PPAT: variants seen among roughly 807,000 people sequenced by gnomAD.
PPAT encodes amidophosphoribosyltransferase.
A neutral mutation model predicts 60.2 loss-of-function variants in PPAT; 20 were observed. That is an observed-to-expected ratio of 0.33 (90% CI 0.23 to 0.48). The LOEUF (loss-of-function observed/expected upper bound fraction) is 0.48, where lower values mean the gene tolerates loss of function less well. PPAT is among the 20% of genes least tolerant of loss of function. PPAT has a pLI of 0.99. For synonymous variants in PPAT, 194 were observed against 215.1 expected (o/e 0.90, Z 0.86); for missense variants, 349 against 629.6 (o/e 0.55, Z 4.77).
intron 1 of PPAT, among the ~76,000 whole-genome samples, chr4:56,417,502 C>T (rs1049724775): frequency 6.6e-6 from 1 of 152,074 alleles, no homozygotes; most frequent in Non-Finnish European, 1.5e-5. Flanking sequence ...TAAATTATGG[C>T]CAGGCACAGT....
Position 56,402,848 on chromosome 4 carries a change from AGG to A in PPAT, c.661+190_661+191del, listed in dbSNP as rs377686688. Among the ~76,000 whole-genome samples, 399 of 76,106 alleles carry A rather than the reference AGG, an allele frequency of 5.2e-3. 8 individuals are homozygous for A. The highest frequency in any genetic ancestry group is 0.021 in the African/African-American group (377 of 17,556). The allele number at this position is 76,106 out of a possible 152,430, so 49.9% of individuals were successfully genotyped here. On this transcript the variant is annotated intron_variant, in intron 5 of 10. Coordinates refer to ENST00000264220, the MANE Select transcript of PPAT (RefSeq NM_002703.5). ...AAAAAAAAAAAAAAAAAAAAAAAAA[AGG>A]GGGGGGACTCATCCTCAGGAGTACT...
At chr4:56,417,056 C>A (rs1359868153) in intron 1 of PPAT, among the ~76,000 whole-genome samples, 1 of 152,156 alleles carries the variant, frequency 6.6e-6, no homozygotes. Flanking sequence ...ACCATGTTAG[C>A]CAGGCTGATC....
At chr4:56,411,313 CTTTA>C (rs2110045095) in intron 1 of PPAT, among the ~76,000 whole-genome samples, 1 of 152,276 alleles carries the variant, frequency 6.6e-6, no homozygotes, top group South Asian at 2.1e-4. Context: ...GAACTTTCTC[CTTTA>C]TTTAATTTGC....
At chr4:56,435,265 C>T in intron 1 of PPAT, 85 bp downstream of exon 1, 2 of 1,579,352 alleles carry the variant, frequency 1.3e-6, no homozygotes, top group Non-Finnish European at 1.7e-6. Context: ...CCCGGGCCCT[C>T]GGGCGCTCAT....
chr4:56,398,274 G>A (rs1716030202), intron 9 of PPAT, among the ~76,000 whole-genome samples: 1 of 152,092 alleles, frequency 6.6e-6, no homozygotes, highest in African/African-American at 2.4e-5. Context: ...GAAGGCTGAG[G>A]TGGGAGGATT....
At position 56,396,613 on chromosome 4, in the gene PPAT, A is replaced by G; in HGVS notation, c.1357+6T>C. 2 of 1,598,148 alleles carry G rather than the reference A, an allele frequency of 1.3e-6. No homozygotes were observed. The highest frequency in any genetic ancestry group is 3.4e-5 in the Admixed American group (2 of 59,074). ...AATCAAAGTTTATAGAAATTTTAAT[A>G]CTTACCTAGATATTCTGCAAGGTGA... On this transcript the variant is annotated splice_donor_region_variant and intron_variant, in intron 10 of 10. Coordinates refer to ENST00000264220, the MANE Select transcript of PPAT (RefSeq NM_002703.5). This position sits in a 1 kb window ranked among gnomAD's most constrained non-coding sequence, Gnocchi z 4.6.
chr4:56,397,065 C>T (rs1715983373), intron 9 of PPAT, among the ~76,000 whole-genome samples: 1 of 152,152 alleles, frequency 6.6e-6, no homozygotes, highest in African/African-American at 2.4e-5. Flanking sequence ...AAAAACCTTA[C>T]TACTACAACA....
In PPAT at chr4:56,435,361, C is replaced by G; in HGVS notation, c.117G>C (p.Gly39=). The change falls in exon 1 of 11, where the codon GGG becomes GGC. Residue 39 remains glycine (G), a synonymous_variant. Transcript: ENST00000264220. ...ACCCTGTTGCTCACCGGTGCTGCAG[C>G]CCCACGAGTCCCAGAGTGATCACAT... ...VPHVITLGLV[G]LQHRGQESAG... 1 of 1,613,788 alleles carries G rather than the reference C, an allele frequency of 6.2e-7. No homozygotes were observed. Among genetic ancestry groups the G allele is most frequent in the Non-Finnish European group, 8.5e-7 (1 of 1,179,784 alleles).
At chr4:56,404,763 G>C (rs1716203219) in intron 3 of PPAT, among the ~76,000 whole-genome samples, 1 of 152,056 alleles carries the variant, frequency 6.6e-6, no homozygotes, top group South Asian at 2.1e-4. Flanking sequence ...CTATGAACAG[G>C]GCTGGACAAA....
chr4:56,414,023 T>C (rs1716598381), intron 1 of PPAT, among the ~76,000 whole-genome samples: 1 of 152,242 alleles, frequency 6.6e-6, no homozygotes, highest in Non-Finnish European at 1.5e-5. Flanking sequence ...TAGAACACTT[T>C]TCTATACAAT....
At chr4:56,406,466 G>A in intron 3 of PPAT, 29 bp downstream of exon 3, 3 of 1,586,642 alleles carry the variant, frequency 1.9e-6, no homozygotes, top group Non-Finnish European at 2.6e-6. Flanking sequence ...ATTTAAAAAG[G>A]CCTAGGGAAA....
intron 1 of PPAT, among the ~76,000 whole-genome samples, chr4:56,431,030 A>C (rs905983554): frequency 1.3e-5 from 2 of 152,180 alleles, no homozygotes; most frequent in Non-Finnish European, 2.9e-5. Flanking sequence ...GATTGAAAAC[A>C]CTTATTTTAA....
chr4:56,412,254 G>A lies in PPAT; in HGVS notation c.129-4538C>T, dbSNP rs918089164. ...CTATCCTTACAACATAACTATGCAC[G>A]TTTAGTTACCTCAAACTCCCAATTC... On this transcript the variant is annotated intron_variant, in intron 1 of 10. Coordinates refer to ENST00000264220, the MANE Select transcript of PPAT (RefSeq NM_002703.5). Among the ~76,000 whole-genome samples the A allele has an allele frequency of 4.0e-5, 6 of 151,114 alleles. No homozygotes were observed. In the East Asian group the frequency reaches 9.7e-4, roughly 24 times the overall value.
intron 1 of PPAT, chr4:56,420,039 G>A: frequency 2.0e-6 from 2 of 975,958 alleles, no homozygotes; most frequent in Non-Finnish European, 2.4e-6. Context: ...AATGGGAGAG[G>A]ACCAGACAGG....
At chr4:56,428,882 C>A in intron 1 of PPAT, 1 of 383,132 alleles carries the variant, frequency 2.6e-6, no homozygotes, top group Non-Finnish European at 3.6e-6. Context: ...GCTTGAAAAC[C>A]ATTAATGTGT....
chr4:56,402,768 A>G (rs1041914686), intron 5 of PPAT, among the ~76,000 whole-genome samples: 3 of 139,054 alleles, frequency 2.2e-5, no homozygotes, highest in Non-Finnish European at 4.6e-5. Context: ...GTGAGCTGAG[A>G]TCGCACCACT....
At chr4:56,399,638 G>A in intron 8 of PPAT, 2 of 373,450 alleles carry the variant, frequency 5.4e-6, no homozygotes, top group South Asian at 5.9e-5. Flanking sequence ...TGTTTTGAAA[G>A]ATAACAGTAA....
intron 1 of PPAT, among the ~76,000 whole-genome samples, chr4:56,426,364 T>C (rs959439542): frequency 6.6e-6 from 1 of 151,622 alleles, no homozygotes; most frequent in Non-Finnish European, 1.5e-5. Context: ...GTCACACCAC[T>C]GCACTCCAGC....
In PPAT at chr4:56,400,882, A is replaced by C. The variant is rs749176231; in HGVS notation, c.916T>G (p.Cys306Gly). 2.5e-6 allele frequency: 4 copies of C among 1,612,802 alleles called. No homozygotes were observed. Among genetic ancestry groups the C allele is most frequent in the Non-Finnish European group, 3.4e-6 (4 of 1,178,898 alleles). The change falls in exon 8 of 11, where the codon TGT (cysteine) becomes GGT (glycine). Residue 306 changes from cysteine (C) to glycine (G), a missense_variant. Transcript: ENST00000264220. ...DQMVYTVRYRCGQQLAIEAPV... is the reference protein window; with the variant it reads ...DQMVYTVRYRGGQQLAIEAPV... ...GCTTCAATCGCTAGCTGCTGGCCAC[A>C]ACGGTATCTTACTGTATAAACCATT...
Sources: gnomAD v4.1 joint callset for allele counts (sites outside exome capture counted in the v4.1 genomes callset) on GRCh38, gnomAD v4.1.1 for gene constraint, Gnocchi (gnomAD v3.1) non-coding constraint, MANE v1.5 for transcripts, NCBI Gene and HGNC (gene_info 2026-07-23, HGNC 2026-07-21) for gene names.